Variants in COL11A2 observed in about 807,000 individuals in gnomAD.
COL11A2 encodes the protein collagen alpha-2(XI) chain.
In COL11A2, 116 loss-of-function variants were observed where a neutral mutation model predicts 273.4. The ratio of observed to expected loss-of-function variants is 0.42; its 90% CI spans 0.36 to 0.49. The LOEUF is 0.49. Among genes scored for constraint, COL11A2 ranks in the 20% least tolerant of loss-of-function variants. The pLI is 0.00. For missense variants in COL11A2, 1,866 were observed against 2,309.0 expected (o/e 0.81, Z 3.93); for synonymous variants, 782 against 864.2 (o/e 0.90, Z 1.67).
chr6:33,188,837 A>G (rs1772735132), intron 3 of COL11A2, 141 bp downstream of exon 3: 1 of 1,000,852 alleles, frequency 1.0e-6, no homozygotes. Context: ...TCTGGACTAG[A>G]AGTGACTGAA....
chr6:33,191,816 C>T (rs115535538), intron 1 of COL11A2, among the ~76,000 whole-genome samples: 3,668 of 152,308 alleles, frequency 0.024, 114 homozygotes, highest in African/African-American at 0.068. Context: ...TCAACATTGG[C>T]GTCTACCATC....
At position 33,192,167 on chromosome 6, in the gene COL11A2, C is replaced by G. The variant is rs1482152365; in HGVS notation, c.74G>C (p.Gly25Ala). 11 of 1,558,456 alleles carry G rather than the reference C, an allele frequency of 7.1e-6. No homozygotes were observed. The East Asian group carries it at 2.6e-4, about 37-fold the overall frequency. ...ATCAGGACTCCTCTTACCTGCCCAG[C>G]CTGGGGCCGCGCTCAGCCCCAGCAC... ...PLVLGLSAAP[G>A]WAGAPPVDVL... Residue 25 changes from glycine (G) to alanine (A), a missense_variant, in exon 1 of 66, where the codon GGC (glycine) becomes GCC (alanine). Coordinates refer to ENST00000341947, the MANE Select transcript of COL11A2 (RefSeq NM_080680.3).
In COL11A2 at chr6:33,163,563, C is replaced by T; in HGVS notation, c.*115G>A. 6.4e-7 allele frequency: 1 copy of T among 1,557,676 alleles called. No homozygotes were observed. Reference sequence around the variant, plus strand: ...GCCCCGACTGAGGGCTCTCCACGCCCTGGCCCAGGGCTCCCTAGATAGTGA... The same window carrying T: ...GCCCCGACTGAGGGCTCTCCACGCCTTGGCCCAGGGCTCCCTAGATAGTGA... On this transcript the variant is annotated 3_prime_UTR_variant, in exon 66 of 66. Coordinates refer to ENST00000341947, the MANE Select transcript of COL11A2 (RefSeq NM_080680.3). This position sits in a 1 kb window ranked among gnomAD's most constrained non-coding sequence, Gnocchi z 4.1.
In COL11A2 at chr6:33,179,019, C is replaced by T. The variant is rs754411403; in HGVS notation, c.1612-46G>A. 1.9e-6 allele frequency: 3 copies of T among 1,613,848 alleles called. No homozygotes were observed. In the African/African-American group the frequency reaches 4.0e-5, roughly 22 times the overall value. ...TCAGAACAAGCAGGGCCGCAGTCCCCTACCCTGCAGGCCCTGTCTCCCCAC... is the reference window on the plus strand; with the variant it reads ...TCAGAACAAGCAGGGCCGCAGTCCCTTACCCTGCAGGCCCTGTCTCCCCAC... On this transcript the variant is annotated intron_variant, in intron 16 of 65. Coordinates refer to ENST00000341947, the MANE Select transcript of COL11A2 (RefSeq NM_080680.3). This position sits in a 1 kb window ranked among gnomAD's most constrained non-coding sequence, Gnocchi z 6.4.
Position 33,167,172 on chromosome 6 carries a change from T to C in COL11A2, c.4177-49A>G. 6.2e-7 allele frequency: 1 copy of C among 1,613,044 alleles called. No individual in the cohort carries two copies. Among genetic ancestry groups the C allele is most frequent in the Non-Finnish European group, 8.5e-7 (1 of 1,179,108 alleles). On this transcript the variant is annotated intron_variant, in intron 57 of 65. Transcript: ENST00000341947. The surrounding 1 kb of genome is among the most constrained non-coding windows in gnomAD (Gnocchi z 6.1). ...CTCTTAAGGGAGAGGTGGGACCAAG[T>C]TCTCCCCAACAGCCTCCACTTCCTC...
In COL11A2 at chr6:33,178,986, G is replaced by A; in HGVS notation, c.1612-13C>T. On this transcript the variant is annotated splice_polypyrimidine_tract_variant and intron_variant, in intron 16 of 65. Coordinates refer to ENST00000341947, the MANE Select transcript of COL11A2 (RefSeq NM_080680.3). The surrounding 1 kb of genome is among the most constrained non-coding windows in gnomAD (Gnocchi z 4.6). Reference sequence around the variant, plus strand: ...CACCTGCCCGGCCCTGGGAGAACAAGGGAAGTGTCAGAACAAGCAGGGCCG... The same window carrying A: ...CACCTGCCCGGCCCTGGGAGAACAAAGGAAGTGTCAGAACAAGCAGGGCCG... 6.2e-7 allele frequency: 1 copy of A among 1,614,028 alleles called. No homozygotes were observed. The highest frequency in any genetic ancestry group is 1.1e-5 in the South Asian group (1 of 91,076).
rs780055075 is a variant in COL11A2 at position 33,178,330 on chromosome 6, G to A, written c.1796C>T (p.Pro599Leu). 1.2e-6 allele frequency: 2 copies of A among 1,612,730 alleles called. No individual in the cohort carries two copies. The highest frequency in any genetic ancestry group is 1.7e-6 in the Non-Finnish European group (2 of 1,179,920). Residue 599 changes from proline (P) to leucine (L), a missense_variant, in exon 20 of 66, where the codon CCT becomes CTT. By Grantham distance (98) the Pro-to-Leu change is moderately conservative. Transcript: ENST00000341947. This position sits in a 1 kb window ranked among gnomAD's most constrained non-coding sequence, Gnocchi z 4.6. Reference protein sequence around the residue: ...GERGDDGEIGPRGLPGESGPR... With the variant: ...GERGDDGEIGLRGLPGESGPR... ...CACCGACTCTCCAGGCAGCCCTCGA[G>A]GCCCAATCTCCCCGTCATCTCCCTG...
Position 33,164,295 on chromosome 6 carries a change from T to C in COL11A2, c.5042A>G (p.Tyr1681Cys), listed in dbSNP as rs1768753610. ...GCAGCCATCTCTGAATTCTTTGACATAGGGGCTAGTCTCCGGGCTCAGCTC... is the reference window on the plus strand; with the variant it reads ...GCAGCCATCTCTGAATTCTTTGACACAGGGGCTAGTCTCCGGGCTCAGCTC... ...EDELSPETSP[Y>C]VKEFRDGCQT... The change falls in exon 65 of 66, where the codon TAT becomes TGT. Residue 1681 changes from tyrosine (Y) to cysteine (C), a missense_variant. Transcript: ENST00000341947. This position sits in a 1 kb window ranked among gnomAD's most constrained non-coding sequence, Gnocchi z 4.7. The C allele has an allele frequency of 2.5e-6, 4 of 1,612,928 alleles. No homozygotes were observed. The highest frequency in any genetic ancestry group is 3.4e-6 in the Non-Finnish European group (4 of 1,179,986).
chr6:33,182,950 G>T (rs1771912756), intron 8 of COL11A2, among the ~76,000 whole-genome samples: 1 of 152,038 alleles, frequency 6.6e-6, no homozygotes, highest in African/African-American at 2.4e-5. Context: ...TGACCAAACA[G>T]CAATGATCCG....
At chr6:33,186,491 G>A in intron 5 of COL11A2, 136 bp downstream of exon 5, 1 of 1,517,114 alleles carries the variant, frequency 6.6e-7, no homozygotes, top group Middle Eastern at 2.1e-4. Flanking sequence ...TAAAAAGGCT[G>A]ATGAATGAGG....
At chr6:33,186,547 G>C (rs1488570454) in intron 5 of COL11A2, 80 bp downstream of exon 5, 1 of 1,610,152 alleles carries the variant, frequency 6.2e-7, no homozygotes, top group South Asian at 1.1e-5. Context: ...GGGTGGGGAG[G>C]ACAACTAAGG....
Position 33,166,268 on chromosome 6 carries a change from C to A in COL11A2, c.4393-62G>T. The stretch of plus-strand genomic sequence containing the variant: ...AGGGGAAGGACAGGACTCAGAGGAG[C>A]GGGGAGGCAAGGTCCCAAGTCCACA... On this transcript the variant is annotated intron_variant, in intron 60 of 65. Coordinates refer to ENST00000341947, the MANE Select transcript of COL11A2 (RefSeq NM_080680.3). This position sits in a 1 kb window ranked among gnomAD's most constrained non-coding sequence, Gnocchi z 4.8. 6.4e-7 allele frequency: 1 copy of A among 1,559,570 alleles called. No homozygotes were observed. Among genetic ancestry groups the A allele is most frequent in the Non-Finnish European group, 8.7e-7 (1 of 1,151,246 alleles).
At position 33,177,704 on chromosome 6, in the gene COL11A2, G is replaced by A. The variant is rs141815296; in HGVS notation, c.1875C>T (p.Gly625=). The change falls in exon 22 of 66, where the codon GGC becomes GGT. Residue 625 remains glycine (G), a splice_region_variant and synonymous_variant. Transcript: ENST00000341947. This position sits in a 1 kb window ranked among gnomAD's most constrained non-coding sequence, Gnocchi z 5.9. The stretch of plus-strand genomic sequence containing the variant: ...CCTGGGGACCATCCATGCCTCGGAC[G>A]CCCTGAAACACAAGATGGGTGTGAG... ...KGPPGIPGPP[G]VRGMDGPQGP... is the part of the protein sequence containing the mutation. The A allele has an allele frequency of 3.6e-4, 576 of 1,612,752 alleles. 1 individual carries two copies. The Admixed American group carries it at 6.6e-3, about 18-fold the overall frequency.
chr6:33,167,043 C>T lies in COL11A2; in HGVS notation c.4230+27G>A. On this transcript the variant is annotated intron_variant, in intron 58 of 65. Coordinates refer to ENST00000341947, the MANE Select transcript of COL11A2 (RefSeq NM_080680.3). This position sits in a 1 kb window ranked among gnomAD's most constrained non-coding sequence, Gnocchi z 6.1. ...GGGGCGAGGGTGATGGGAGAGACAC[C>T]TGGCCACGTGTCTGTCTGTCACTCA... 6.2e-7 allele frequency: 1 copy of T among 1,612,496 alleles called. No homozygotes were observed.
intron 32 of COL11A2, 54 bp from the exon 33 acceptor site, chr6:33,174,109 C>T: frequency 1.9e-6 from 3 of 1,611,894 alleles, no homozygotes; most frequent in Non-Finnish European, 2.5e-6. Context: ...CCCCACAGAC[C>T]CCCTCTACAC....
upstream of COL11A2, chr6:33,193,458 C>T (rs1159566531): frequency 6.7e-6 from 1 of 148,306 alleles, no homozygotes; most frequent in African/African-American, 2.5e-5. Flanking sequence ...TTGTGTCCCC[C>T]ACCCTGCGTG....
chr6:33,174,505 C>T, intron 31 of COL11A2, 22 bp downstream of exon 31: 2 of 1,611,924 alleles, frequency 1.2e-6, no homozygotes, highest in Non-Finnish European at 1.7e-6. Context: ...GGAGGAGGGG[C>T]ACGTATGGGG....
chr6:33,174,880 A>G (rs1347055462), intron 30 of COL11A2, among the ~76,000 whole-genome samples: 3 of 151,902 alleles, frequency 2.0e-5, no homozygotes, highest in African/African-American at 2.4e-5. Context: ...CCTCAGCTCC[A>G]TCTACCCCAT....
At position 33,173,132 on chromosome 6, in the gene COL11A2, A is replaced by G; in HGVS notation, c.2737-19T>C. Reference sequence around the variant, plus strand: ...GGAAACCCTAGGCGAGGAAGAGAGGAGAATGCAGTGAAAGCAGGTGTGGGC... The same window carrying G: ...GGAAACCCTAGGCGAGGAAGAGAGGGGAATGCAGTGAAAGCAGGTGTGGGC... On this transcript the variant is annotated intron_variant, in intron 37 of 65. Transcript: ENST00000341947. The surrounding 1 kb of genome is among the most constrained non-coding windows in gnomAD (Gnocchi z 6.3). The G allele has an allele frequency of 7.5e-6, 12 of 1,608,990 alleles. No homozygotes were observed.
Sources: gnomAD v4.1 joint callset for allele counts (sites outside exome capture counted in the v4.1 genomes callset) on GRCh38, gnomAD v4.1.1 for gene constraint, Gnocchi (gnomAD v3.1) non-coding constraint, MANE v1.5 for transcripts, NCBI Gene and HGNC (gene_info 2026-07-23, HGNC 2026-07-21) for gene names.